Variants in DDAH1 observed in about 807,000 individuals in gnomAD.
The protein encoded by DDAH1 is dimethylarginine dimethylaminohydrolase 1.
In DDAH1, 19 loss-of-function variants were observed where a neutral mutation model predicts 28.8. The observed-to-expected ratio is 0.66, with a 90% CI of 0.46 to 0.97. DDAH1 has a LOEUF of 0.97. DDAH1 is among the 50% of genes least tolerant of loss of function. The probability of loss-of-function intolerance (pLI) is 0.00; values close to 1 mark genes in which losing one functional copy is unlikely to be tolerated. For synonymous variants in DDAH1, 153 were observed against 154.4 expected (o/e 0.99, Z 0.07); for missense variants, 326 against 375.9 (o/e 0.87, Z 1.10).
At chr1:85,486,077 G>A (rs1656195187) in intron 2 of DDAH1, among the ~76,000 whole-genome samples, 1 of 152,178 alleles carries the variant, frequency 6.6e-6, no homozygotes. Context: ...TTGCCCTGCT[G>A]TCACTCTTGC....
chr1:85,508,318 T>G (rs989214123), intron 1 of DDAH1, among the ~76,000 whole-genome samples: 2 of 152,230 alleles, frequency 1.3e-5, no homozygotes, highest in Non-Finnish European at 2.9e-5. Flanking sequence ...GTAGATGATA[T>G]AAAATTCCTT....
rs185823258 is a variant in DDAH1 at position 85,358,624 on chromosome 1, A to G, written c.403+124T>C. The G allele has an allele frequency of 1.5e-3, 1,064 of 703,564 alleles. 4 individuals are homozygous for G. The African/African-American group carries it at 0.018, about 12-fold the overall frequency. The allele number at this position is 703,564 out of a possible 1,614,324, so 43.6% of individuals were successfully genotyped here. On this transcript the variant is annotated intron_variant, in intron 2 of 5. Transcript: ENST00000284031. ...AGATGGCGCCACTGCACTCCGGCCTAGGTGACAGCGAGACTCTGTCTCAAA... is the reference window on the plus strand; with the variant it reads ...AGATGGCGCCACTGCACTCCGGCCTGGGTGACAGCGAGACTCTGTCTCAAA...
chr1:85,430,122 G>A (rs1342884613), intron 1 of DDAH1, among the ~76,000 whole-genome samples: 1 of 152,174 alleles, frequency 6.6e-6, no homozygotes, highest in Non-Finnish European at 1.5e-5. Context: ...CATATGGCTA[G>A]CCAGTTTTCC....
intron 1 of DDAH1, among the ~76,000 whole-genome samples, chr1:85,433,264 T>C (rs1255159410): frequency 6.6e-6 from 1 of 152,166 alleles, no homozygotes; most frequent in Non-Finnish European, 1.5e-5. Flanking sequence ...GGACTCAGGC[T>C]GGCAGACCTA....
chr1:85,478,264 T>C (rs1309729768), intron 2 of DDAH1, among the ~76,000 whole-genome samples: 1 of 152,192 alleles, frequency 6.6e-6, no homozygotes, highest in African/African-American at 2.4e-5. Flanking sequence ...AAGAGAAGTT[T>C]CCACTCTAAC....
intron 1 of DDAH1, among the ~76,000 whole-genome samples, chr1:85,421,393 C>A (rs1488800184): frequency 6.6e-6 from 1 of 152,200 alleles, no homozygotes; most frequent in Non-Finnish European, 1.5e-5. Flanking sequence ...TTGCTTCACA[C>A]ATTGTAACAC....
intron 1 of DDAH1, among the ~76,000 whole-genome samples, chr1:85,369,219 C>A (rs1307165329): frequency 3.4e-5 from 5 of 147,542 alleles, no homozygotes; most frequent in Admixed American, 2.7e-4. Context: ...TGCCCAATGG[C>A]CAATTTTTTT....
At chr1:85,347,684 C>T (rs1028753343) in intron 4 of DDAH1, among the ~76,000 whole-genome samples, 1 of 152,104 alleles carries the variant, frequency 6.6e-6, no homozygotes, top group Non-Finnish European at 1.5e-5. Flanking sequence ...TTAATAGGTG[C>T]AGCATACCAA....
Position 85,439,988 on chromosome 1 carries a change from T to G in DDAH1, c.303+24755A>C, listed in dbSNP as rs116709630. On this transcript the variant is annotated intron_variant, in intron 1 of 5. Coordinates refer to ENST00000284031, the MANE Select transcript of DDAH1 (RefSeq NM_012137.4). Reference sequence around the variant, plus strand: ...TCATAGTTCTACATAAAGAAGTTCATACTTTTCTGAAAGGAACTCAGAATT... The same window carrying G: ...TCATAGTTCTACATAAAGAAGTTCAGACTTTTCTGAAAGGAACTCAGAATT... Among the ~76,000 whole-genome samples, 1,323 of 152,318 alleles carry G rather than the reference T, an allele frequency of 8.7e-3. 18 individuals are homozygous for G. Among genetic ancestry groups the G allele is most frequent in the African/African-American group, 0.031 (1,285 of 41,578 alleles).
In DDAH1 at chr1:85,464,485, C is replaced by A. The variant is rs1347618066; in HGVS notation, c.303+258G>T. ...AAAATGCCCGTGAGACGGAATCCCCCGCCCACCCACCTGCCCGAGACCGTA... is the reference window on the plus strand; with the variant it reads ...AAAATGCCCGTGAGACGGAATCCCCAGCCCACCCACCTGCCCGAGACCGTA... On this transcript the variant is annotated intron_variant, in intron 1 of 5. Transcript: ENST00000284031. The surrounding 1 kb of genome is among the most constrained non-coding windows in gnomAD (Gnocchi z 4.4). The A allele has an allele frequency of 6.6e-7, 1 of 1,523,170 alleles. No individual in the cohort carries two copies. Among genetic ancestry groups the A allele is most frequent in the Admixed American group, 2.0e-5 (1 of 50,526 alleles). 94.4% of individuals were successfully genotyped at this position (1,523,170 alleles called of 1,614,324 possible). A position where few individuals can be genotyped will look rare whatever the true frequency, so the allele number is the denominator to read the frequency against.
intron 1 of DDAH1, among the ~76,000 whole-genome samples, chr1:85,562,834 C>T (rs577090531): frequency 1.2e-3 from 176 of 152,300 alleles, no homozygotes; most frequent in African/African-American, 4.2e-3. Context: ...ACCCAGTTTA[C>T]AGTACTTTGG....
chr1:85,500,000 C>A (rs539879460), intron 1 of DDAH1, among the ~76,000 whole-genome samples: 20 of 152,088 alleles, frequency 1.3e-4, no homozygotes, highest in Non-Finnish European at 2.8e-4. Flanking sequence ...ACCATTGATA[C>A]ATTTGGTTTT....
chr1:85,571,898 T>C (rs28505588), intron 1 of DDAH1, among the ~76,000 whole-genome samples: 4,703 of 150,912 alleles, frequency 0.031, 244 homozygotes, highest in African/African-American at 0.11. Flanking sequence ...TCTTTATTGC[T>C]ATAACCTTGG....
chr1:85,574,953 CG>C (rs889616018), intron 1 of DDAH1, among the ~76,000 whole-genome samples: 1 of 151,796 alleles, frequency 6.6e-6, no homozygotes, highest in African/African-American at 2.4e-5. Context: ...TAAAAACAGA[CG>C]GGGAGCCTGG....
At chr1:85,436,590 A>T (rs942343292) in intron 1 of DDAH1, among the ~76,000 whole-genome samples, 7 of 152,220 alleles carry the variant, frequency 4.6e-5, no homozygotes, top group Admixed American at 2.0e-4. Flanking sequence ...AGTGTTGCTG[A>T]TGCTGCAGAA....
At chr1:85,384,398 G>A (rs1415989600) in intron 1 of DDAH1, among the ~76,000 whole-genome samples, 2 of 152,148 alleles carry the variant, frequency 1.3e-5, no homozygotes, top group Non-Finnish European at 2.9e-5. Flanking sequence ...CCCTCAATTT[G>A]ATAAGACCAG....
intron 1 of DDAH1, among the ~76,000 whole-genome samples, chr1:85,391,138 C>T (rs759806746): frequency 6.6e-6 from 1 of 152,228 alleles, no homozygotes; most frequent in Admixed American, 6.5e-5. Flanking sequence ...CTGCTCCCCT[C>T]TGTCTTAAAT....
At chr1:85,405,203 C>A (rs776707486) in intron 1 of DDAH1, among the ~76,000 whole-genome samples, 2 of 152,126 alleles carry the variant, frequency 1.3e-5, no homozygotes, top group Admixed American at 6.5e-5. Flanking sequence ...AATAAATTGG[C>A]CACATGGGTC....
At position 85,465,047 on chromosome 1, in the gene DDAH1, G is replaced by A. The variant is rs1655309033; in HGVS notation, c.-2C>T. 4.6e-6 allele frequency: 6 copies of A among 1,296,430 alleles called. No homozygotes were observed. Among genetic ancestry groups the A allele is most frequent in the African/African-American group, 3.1e-5 (2 of 64,576 alleles). 80.3% of individuals were successfully genotyped at this position (1,296,430 alleles called of 1,614,324 possible). A position where few individuals can be genotyped will look rare whatever the true frequency, so the allele number is the denominator to read the frequency against. ...GGCGGGGTGGCCGAGCCCGGCCATG[G>A]CTTCGGGAGGCTTAGGGGCGGCGGC... On this transcript the variant is annotated 5_prime_UTR_variant, in exon 1 of 6. Coordinates refer to ENST00000284031, the MANE Select transcript of DDAH1 (RefSeq NM_012137.4).
Sources: gnomAD v4.1 joint callset for allele counts (sites outside exome capture counted in the v4.1 genomes callset) on GRCh38, gnomAD v4.1.1 for gene constraint, Gnocchi (gnomAD v3.1) non-coding constraint, MANE v1.5 for transcripts, NCBI Gene and HGNC (gene_info 2026-07-23, HGNC 2026-07-21) for gene names.